The following PCCA variants were observed in gnomAD, a reference collection of about 807,000 sequenced individuals.
PCCA encodes propionyl-CoA carboxylase subunit alpha, also known as propionyl-CoA carboxylase alpha chain, mitochondrial.
PCCA carries 74 observed loss-of-function variants against 101.3 expected under a neutral mutation model. That is an observed-to-expected ratio of 0.73 (90% CI 0.61 to 0.89). PCCA has a LOEUF of 0.89. Among genes scored for constraint, PCCA ranks in the 40% least tolerant of loss-of-function variants. PCCA has a pLI of 0.00. For synonymous variants in PCCA, 294 were observed against 313.6 expected (o/e 0.94, Z 0.66); for missense variants, 891 against 907.0 (o/e 0.98, Z 0.23).
chr13:100,277,223 G>C (rs1028002220), intron 12 of PCCA, among the ~76,000 whole-genome samples: 1 of 152,132 alleles, frequency 6.6e-6, no homozygotes, highest in Non-Finnish European at 1.5e-5. Context: ...AAAAGTGGGG[G>C]TAGTTTATCA....
intron 7 of PCCA, among the ~76,000 whole-genome samples, chr13:100,220,687 A>G (rs1223370643): frequency 6.6e-6 from 1 of 152,026 alleles, no homozygotes; most frequent in Non-Finnish European, 1.5e-5. Context: ...CTTGCTCCCC[A>G]CTTTGTAACT....
Position 100,391,838 on chromosome 13 carries a change from ACAT to A in PCCA, c.1746+23268_1746+23270del, listed in dbSNP as rs1178158861. Among the ~76,000 whole-genome samples, 9 of 152,292 alleles carry A rather than the reference ACAT, an allele frequency of 5.9e-5. No homozygotes were observed. The South Asian group carries it at 1.2e-3, about 21-fold the overall frequency. ...ATCACTTTCATAAATAAATACATTA[ACAT>A]CATATTTTCAGTAAGCTCATATTTG... On this transcript the variant is annotated intron_variant, in intron 19 of 23. Coordinates refer to ENST00000376285, the MANE Select transcript of PCCA (RefSeq NM_000282.4).
At chr13:100,117,781 T>TA (rs1190214885) in intron 4 of PCCA, among the ~76,000 whole-genome samples, 1 of 151,402 alleles carries the variant, frequency 6.6e-6, no homozygotes, top group African/African-American at 2.4e-5. Flanking sequence ...TATATATATG[T>TA]AAAAAAAGCA....
At chr13:100,114,476 A>C (rs1478253714) in intron 4 of PCCA, among the ~76,000 whole-genome samples, 2 of 152,202 alleles carry the variant, frequency 1.3e-5, no homozygotes, top group Non-Finnish European at 2.9e-5. Context: ...GGTGGCACAC[A>C]TCTGTAGTCC....
At chr13:100,401,339 G>T (rs2077349959) in intron 19 of PCCA, among the ~76,000 whole-genome samples, 2 of 152,198 alleles carry the variant, frequency 1.3e-5, no homozygotes, top group South Asian at 4.1e-4. Context: ...TGCCTCCTGG[G>T]TTCAAGCGAT....
At chr13:100,397,100 TA>T (rs1447693160) in intron 19 of PCCA, among the ~76,000 whole-genome samples, 5 of 152,310 alleles carry the variant, frequency 3.3e-5, no homozygotes, top group African/African-American at 1.2e-4. Flanking sequence ...CTCCCTGGTA[TA>T]AACCCCAGAC....
chr13:100,262,209 G>A (rs1318637773), intron 9 of PCCA, among the ~76,000 whole-genome samples: 3 of 151,808 alleles, frequency 2.0e-5, no homozygotes, highest in South Asian at 2.1e-4. Flanking sequence ...CCTGGCCAAC[G>A]TGTTGAAACC....
In PCCA at chr13:100,435,940, G is replaced by A. The variant is rs146124853; in HGVS notation, c.1845+10209G>A. On this transcript the variant is annotated intron_variant, in intron 20 of 23. Transcript: ENST00000376285. ...TGCCTGTAATCCCATCTACTTGGGA[G>A]GCAAAGACAGGAGAATTGCTTGAAC... 8.1e-4 allele frequency among the ~76,000 whole-genome samples: 123 copies of A among 152,202 alleles called. No individual in the cohort carries two copies. The East Asian group carries it at 0.016, about 20-fold the overall frequency.
intron 7 of PCCA, among the ~76,000 whole-genome samples, chr13:100,234,603 A>G (rs1388549555): frequency 6.6e-6 from 1 of 151,852 alleles, no homozygotes; most frequent in Non-Finnish European, 1.5e-5. Context: ...TCCCCTGCCA[A>G]CCTCCTTATT....
chr13:100,320,589 G>A (rs1566929185), intron 16 of PCCA, among the ~76,000 whole-genome samples: 1 of 152,112 alleles, frequency 6.6e-6, no homozygotes, highest in East Asian at 1.9e-4. Context: ...TAATCATGTG[G>A]TTTTTGTCTT....
chr13:100,374,757 C>G (rs1173319888), intron 19 of PCCA, among the ~76,000 whole-genome samples: 1 of 152,072 alleles, frequency 6.6e-6, no homozygotes, highest in East Asian at 1.9e-4. Context: ...ATGTTTACTA[C>G]TAATAAACTA....
At chr13:100,299,509 G>A (rs1431351150) in intron 12 of PCCA, among the ~76,000 whole-genome samples, 2 of 152,072 alleles carry the variant, frequency 1.3e-5, no homozygotes, top group African/African-American at 2.4e-5. Context: ...CAACTCCATC[G>A]TGACCACTTA....
intron 18 of PCCA, among the ~76,000 whole-genome samples, chr13:100,366,965 A>AT (rs1205233030): frequency 6.6e-6 from 1 of 152,086 alleles, no homozygotes; most frequent in African/African-American, 2.4e-5. Context: ...TGTGACTCTG[A>AT]TTTTTTTAAT....
At chr13:100,408,214 G>A (rs563853108) in intron 19 of PCCA, among the ~76,000 whole-genome samples, 6 of 152,294 alleles carry the variant, frequency 3.9e-5, no homozygotes, top group Non-Finnish European at 8.8e-5. Flanking sequence ...GTGCTGCCAA[G>A]GTTTGCCTTC....
At chr13:100,259,263 A>C (rs114464212) in intron 9 of PCCA, among the ~76,000 whole-genome samples, 2 of 151,260 alleles carry the variant, frequency 1.3e-5, no homozygotes, top group Non-Finnish European at 2.9e-5. Flanking sequence ...TTTGGGGGGA[A>C]GTAGCATCTA....
intron 1 of PCCA, among the ~76,000 whole-genome samples, chr13:100,098,193 A>AC (rs1200515210): frequency 3.3e-5 from 5 of 151,978 alleles, no homozygotes; most frequent in Non-Finnish European, 7.4e-5. Flanking sequence ...ACATAGTGAG[A>AC]CCCCCATCTC....
At position 100,244,490 on chromosome 13, in the gene PCCA, T is replaced by C. The variant is rs138581479; in HGVS notation, c.637+8612T>C. Among the ~76,000 whole-genome samples, 185 of 152,362 alleles carry C rather than the reference T, an allele frequency of 1.2e-3. 1 individual carries two copies. Among genetic ancestry groups the C allele is most frequent in the African/African-American group, 4.3e-3 (177 of 41,594 alleles). On this transcript the variant is annotated intron_variant, in intron 8 of 23. Coordinates refer to ENST00000376285, the MANE Select transcript of PCCA (RefSeq NM_000282.4). ...CTCTCAGTCCTTCATCTTCTTTCTC[T>C]TGTTTTATTGTTAGTCATTCGTGAA...
rs752787915 is a variant in PCCA at position 100,330,699 on chromosome 13, T to C, written c.1540+28T>C. The C allele has an allele frequency of 4.6e-6, 6 of 1,302,934 alleles. No homozygotes were observed. In the South Asian group the frequency reaches 7.1e-5, roughly 15 times the overall value. 80.7% of individuals were successfully genotyped at this position (1,302,934 alleles called of 1,614,324 possible). A position where few individuals can be genotyped will look rare whatever the true frequency, so the allele number is the denominator to read the frequency against. On this transcript the variant is annotated intron_variant, in intron 17 of 23. Transcript: ENST00000376285. Reference sequence around the variant, plus strand: ...TTGTATGCATTAAAATATTTTAGTGTTTTAAAGTTGTTATTTTTATACTTT... The same window carrying C: ...TTGTATGCATTAAAATATTTTAGTGCTTTAAAGTTGTTATTTTTATACTTT...
intron 21 of PCCA, among the ~76,000 whole-genome samples, chr13:100,477,826 G>A (rs2083532278): frequency 6.6e-6 from 1 of 152,138 alleles, no homozygotes; most frequent in Admixed American, 6.5e-5. Context: ...TCATGTGACT[G>A]TCTCCTTGGC....
Sources: gnomAD v4.1 joint callset for allele counts (sites outside exome capture counted in the v4.1 genomes callset) on GRCh38, gnomAD v4.1.1 for gene constraint, MANE v1.5 for transcripts, NCBI Gene and HGNC (gene_info 2026-07-23, HGNC 2026-07-21) for gene names.